Variants in COMMD7 observed in about 807,000 individuals in gnomAD.
The protein encoded by COMMD7 is COMM domain containing 7.
A neutral mutation model predicts 34.8 loss-of-function variants in COMMD7; 28 were observed. The observed-to-expected ratio is 0.80, with a 90% CI of 0.60 to 1.10. COMMD7 has a LOEUF of 1.10. COMMD7 is among the 50% of genes least tolerant of loss of function. COMMD7 has a pLI of 0.00. For missense variants in COMMD7, 211 were observed against 241.6 expected (o/e 0.87, Z 0.84); for synonymous variants, 80 against 86.4 (o/e 0.93, Z 0.41).
Position 32,705,146 on chromosome 20 carries a change from G to GA in COMMD7, c.337-243dup, listed in dbSNP as rs1186160226. Among the ~76,000 whole-genome samples, 7 of 150,762 alleles carry GA rather than the reference G, an allele frequency of 4.6e-5. 1 individual carries two copies. The East Asian group carries it at 5.9e-4, about 13-fold the overall frequency. On this transcript the variant is annotated intron_variant, in intron 5 of 8. Transcript: ENST00000278980. ...TCATTCCAAGATTTAATCCATCTTG[G>GA]AAAAAAAACAGTGCTGCCATCATAC...
intron 3 of COMMD7, among the ~76,000 whole-genome samples, chr20:32,710,597 C>A (rs1010492393): frequency 5.3e-5 from 8 of 151,902 alleles, no homozygotes; most frequent in African/African-American, 1.9e-4. Context: ...GGTATAGTGG[C>A]ACAGGCCTGT....
chr20:32,717,568 C>T (rs1389141883), intron 3 of COMMD7, among the ~76,000 whole-genome samples: 4 of 151,962 alleles, frequency 2.6e-5, no homozygotes, highest in East Asian at 1.9e-4. Flanking sequence ...TCAAGCGATC[C>T]GCCCACCTCA....
chr20:32,728,118 GC>G lies in COMMD7; in HGVS notation c.108del (p.Leu37PhefsTer5). On this transcript the variant is annotated frameshift_variant, in exon 2 of 9. Coordinates refer to ENST00000278980, the MANE Select transcript of COMMD7 (RefSeq NM_053041.3). LOFTEE classifies it high-confidence loss of function. Reference sequence around the variant, plus strand: ...TTTGGCTCAGTTAGGAAGTGGAAAAGCACCTCTGTCAGGGCTGAGAACTGCT... The same window carrying G: ...TTTGGCTCAGTTAGGAAGTGGAAAAGACCTCTGTCAGGGCTGAGAACTGCT... The part of the protein sequence containing the change: ...GAQQFSALTE[V>X]LFHFLTEPKE... 1.9e-6 allele frequency: 3 copies of G among 1,614,104 alleles called. No homozygotes were observed. The highest frequency in any genetic ancestry group is 2.5e-6 in the Non-Finnish European group (3 of 1,180,038).
At chr20:32,714,554 G>A (rs186115817) in intron 3 of COMMD7, among the ~76,000 whole-genome samples, 12 of 152,008 alleles carry the variant, frequency 7.9e-5, no homozygotes, top group East Asian at 1.9e-4. Context: ...GGCCAGGCAC[G>A]GTGGCTCATA....
chr20:32,704,387 T>C, intron 7 of COMMD7, 53 bp downstream of exon 7: 1 of 1,540,386 alleles, frequency 6.5e-7, no homozygotes, highest in Admixed American at 1.9e-5. Flanking sequence ...GTAGATATAA[T>C]TTTTAACCAA....
chr20:32,740,363 T>G (rs189176787), intron 1 of COMMD7, among the ~76,000 whole-genome samples: 1 of 151,744 alleles, frequency 6.6e-6, no homozygotes, highest in Admixed American at 6.6e-5. Flanking sequence ...GTGCCGTAAG[T>G]GTAAAACACC....
intron 1 of COMMD7, among the ~76,000 whole-genome samples, chr20:32,738,274 T>TA (rs1342206058): frequency 6.6e-6 from 1 of 152,100 alleles, no homozygotes; most frequent in African/African-American, 2.4e-5. Flanking sequence ...TACAGGCACA[T>TA]ACCACCACTC....
Position 32,703,255 on chromosome 20 carries a change from G to T in COMMD7, c.*127C>A. On this transcript the variant is annotated 3_prime_UTR_variant, in exon 9 of 9. Transcript: ENST00000278980. ...TTTTTCAGAAACCCTTTGCACCTGG[G>T]CCCCATGGAGCCAGCAGGGCCCCAT... 1 of 762,584 alleles carries T rather than the reference G, an allele frequency of 1.3e-6. No homozygotes were observed. Among genetic ancestry groups the T allele is most frequent in the Non-Finnish European group, 2.1e-6 (1 of 466,460 alleles). 47.2% of individuals were successfully genotyped at this position (762,584 alleles called of 1,614,324 possible).
chr20:32,733,036 G>T (rs1329293153), intron 1 of COMMD7, among the ~76,000 whole-genome samples: 1 of 151,324 alleles, frequency 6.6e-6, no homozygotes, highest in Admixed American at 6.6e-5. Context: ...AGGAGTTTGA[G>T]ATCAGCCTGG....
chr20:32,730,710 A>G (rs1024593118), intron 1 of COMMD7, among the ~76,000 whole-genome samples: 1 of 152,130 alleles, frequency 6.6e-6, no homozygotes, highest in Non-Finnish European at 1.5e-5. Flanking sequence ...TCTGTGTCCC[A>G]GTCCCCACGA....
intron 3 of COMMD7, among the ~76,000 whole-genome samples, chr20:32,717,823 G>A (rs1330188053): frequency 6.6e-6 from 1 of 151,732 alleles, no homozygotes; most frequent in Non-Finnish European, 1.5e-5. Flanking sequence ...TTTTAAAAAA[G>A]GCAAAAAAGG....
Position 32,704,473 on chromosome 20 carries a change from G to A in COMMD7, c.444C>T (p.Ser148=), listed in dbSNP as rs555257837. The A allele has an allele frequency of 1.8e-5, 29 of 1,605,382 alleles. No homozygotes were observed. The Admixed American group carries it at 2.4e-4, about 13-fold the overall frequency. The change falls in exon 7 of 9, where the codon AGC becomes AGT. Residue 148 remains serine, a synonymous_variant. Transcript: ENST00000278980. Reference sequence around the variant, plus strand: ...ATATACTTCCCACTTTCTCCAATTCGCTGCTCCCAGATGTCACTGTGACAA... The same window carrying A: ...ATATACTTCCCACTTTCTCCAATTCACTGCTCCCAGATGTCACTGTGACAA... ...EWKFGVTSGS[S]ELEKVGSIFL...
At position 32,733,891 on chromosome 20, in the gene COMMD7, AAAG is replaced by A. The variant is rs553418029; in HGVS notation, c.85-5752_85-5750del. Reference sequence around the variant, plus strand: ...AGTGGAACTCCTTCTCAAAAAAAAAAAAGAAGGCCGGGTGCGGTGGCTCACACC... The same window carrying A: ...AGTGGAACTCCTTCTCAAAAAAAAAAAAGGCCGGGTGCGGTGGCTCACACC... On this transcript the variant is annotated intron_variant, in intron 1 of 8. Transcript: ENST00000278980. Among the ~76,000 whole-genome samples, 91 of 150,436 alleles carry A rather than the reference AAAG, an allele frequency of 6.0e-4. 3 individuals carry two copies. The South Asian group carries it at 0.018, about 30-fold the overall frequency.
intron 3 of COMMD7, among the ~76,000 whole-genome samples, chr20:32,717,810 AT>A (rs1483107769): frequency 1.3e-5 from 2 of 151,894 alleles, no homozygotes; most frequent in African/African-American, 4.8e-5. Flanking sequence ...CAAGAAAAAC[AT>A]TTTTTAAAAA....
At chr20:32,715,627 C>T (rs563338634) in intron 3 of COMMD7, among the ~76,000 whole-genome samples, 4 of 151,050 alleles carry the variant, frequency 2.6e-5, no homozygotes, top group South Asian at 2.1e-4. Flanking sequence ...GGAAACATGG[C>T]GAAACCCTGT....
chr20:32,741,896 A>G (rs1986464825), intron 1 of COMMD7, among the ~76,000 whole-genome samples: 2 of 152,148 alleles, frequency 1.3e-5, no homozygotes, highest in African/African-American at 2.4e-5. Context: ...CTTGCATAAG[A>G]TAAACTCAGG....
At chr20:32,706,087 A>G (rs576528410) in intron 5 of COMMD7, among the ~76,000 whole-genome samples, 2 of 151,886 alleles carry the variant, frequency 1.3e-5, no homozygotes, top group South Asian at 4.2e-4. Context: ...AATCCCAGCT[A>G]CTTGGAAGGC....
chr20:32,723,268 CCGAGTGCCTGCGATTGCAGGCA>C, intron 3 of COMMD7, among the ~76,000 whole-genome samples: 7 of 36,576 alleles, frequency 1.9e-4, no homozygotes, highest in Non-Finnish European at 2.7e-4. Flanking sequence ...CCTCAGCCTG[CCGAGTGCCTGCGATTGCAGGCA>C]CGCGCCGCCA....
At chr20:32,736,233 A>G (rs936733965) in intron 1 of COMMD7, among the ~76,000 whole-genome samples, 4 of 152,232 alleles carry the variant, frequency 2.6e-5, no homozygotes, top group Non-Finnish European at 4.4e-5. Context: ...TTACTACTTG[A>G]GGCCTACACC....
Sources: allele counts gnomAD v4.1 joint callset (sites outside exome capture counted in the v4.1 genomes callset), GRCh38; gene constraint gnomAD v4.1.1; transcripts MANE v1.5; gene names NCBI Gene and HGNC (gene_info 2026-07-23, HGNC 2026-07-21).